The following MALRD1 variants were observed in gnomAD, a reference collection of about 807,000 sequenced individuals.
MALRD1 encodes MAM and LDL receptor class A domain containing 1.
A neutral mutation model predicts 242.1 loss-of-function variants in MALRD1; 247 were observed. The ratio of observed to expected loss-of-function variants is 1.02; its 90% CI spans 0.92 to 1.13. The LOEUF (loss-of-function observed/expected upper bound fraction) is 1.13, where lower values mean the gene tolerates loss of function less well. Among genes scored for constraint, MALRD1 ranks in the 50% most tolerant of loss-of-function variants. The probability of loss-of-function intolerance (pLI) is 0.00; values close to 1 mark genes in which losing one functional copy is unlikely to be tolerated. For missense variants in MALRD1, 2,989 were observed against 2,533.1 expected (o/e 1.18, Z -3.86); for synonymous variants, 995 against 866.6 (o/e 1.15, Z -2.60).
At position 19,318,410 on chromosome 10, in the gene MALRD1, T is replaced by C. The variant is rs1302915943; in HGVS notation, c.3420-5539T>C. ...AGGTGAAAGGGGTATTTCAGAGATA[T>C]ATAATATTAGAGAATTGTTTCCATA... is the stretch of plus-strand genomic sequence containing the variant. On this transcript the variant is annotated intron_variant, in intron 21 of 39. Coordinates refer to ENST00000454679, the MANE Select transcript of MALRD1 (RefSeq NM_001142308.3). Among the ~76,000 whole-genome samples, 4 of 152,044 alleles carry C rather than the reference T, an allele frequency of 2.6e-5. No individual in the cohort carries two copies. In the East Asian group the frequency reaches 5.8e-4, roughly 22 times the overall value.
intron 18 of MALRD1, among the ~76,000 whole-genome samples, chr10:19,234,972 G>A (rs921569525): frequency 6.6e-6 from 1 of 152,142 alleles, no homozygotes; most frequent in African/African-American, 2.4e-5. Flanking sequence ...AAATCTACAT[G>A]GATGGGAAGT....
intron 34 of MALRD1, among the ~76,000 whole-genome samples, chr10:19,601,775 A>C (rs1435708078): frequency 1.3e-5 from 2 of 152,116 alleles, no homozygotes; most frequent in African/African-American, 4.8e-5. Flanking sequence ...AATATGGATA[A>C]ATTCCTATCT....
intron 14 of MALRD1, among the ~76,000 whole-genome samples, chr10:19,198,542 T>C (rs1036963447): frequency 1.3e-5 from 2 of 152,184 alleles, no homozygotes; most frequent in Non-Finnish European, 2.9e-5. Flanking sequence ...CTATCTGTCT[T>C]TCATAGCTCT....
chr10:19,727,931 A>G (rs2131931050), intron 38 of MALRD1, among the ~76,000 whole-genome samples: 1 of 152,310 alleles, frequency 6.6e-6, no homozygotes, highest in African/African-American at 2.4e-5. Context: ...ATAGTTGATG[A>G]AAATGGAAAA....
intron 31 of MALRD1, among the ~76,000 whole-genome samples, chr10:19,530,123 G>A (rs1293045887): frequency 2.0e-5 from 3 of 150,966 alleles, no homozygotes; most frequent in Admixed American, 6.6e-5. Context: ...GTCAATATTG[G>A]CTCATTAATT....
chr10:19,587,857 T>A (rs1320403387), intron 33 of MALRD1, among the ~76,000 whole-genome samples: 1 of 150,960 alleles, frequency 6.6e-6, no homozygotes, highest in Non-Finnish European at 1.5e-5. Flanking sequence ...ATGTCTTGGT[T>A]ACTAGGAATG....
chr10:19,689,436 A>G (rs1842732143), intron 36 of MALRD1, among the ~76,000 whole-genome samples: 2 of 152,156 alleles, frequency 1.3e-5, no homozygotes, highest in South Asian at 4.1e-4. Context: ...TGACCATTTT[A>G]CAAGGAAAAT....
chr10:19,466,270 T>C (rs1836214001), intron 29 of MALRD1, among the ~76,000 whole-genome samples: 1 of 152,196 alleles, frequency 6.6e-6, no homozygotes, highest in Non-Finnish European at 1.5e-5. Context: ...TTGATTTTCA[T>C]TGTCTTCGCA....
intron 32 of MALRD1, among the ~76,000 whole-genome samples, chr10:19,555,832 A>G (rs1231898975): frequency 6.6e-6 from 1 of 152,172 alleles, no homozygotes; most frequent in Non-Finnish European, 1.5e-5. Context: ...AAAGTAGTTG[A>G]TGTTAGCAAG....
chr10:19,635,126 G>T (rs913586009), intron 36 of MALRD1, among the ~76,000 whole-genome samples: 5 of 152,108 alleles, frequency 3.3e-5, no homozygotes, highest in African/African-American at 1.2e-4. Flanking sequence ...AACAGCAAAA[G>T]ACTTAACTGG....
At chr10:19,254,969 G>C (rs1474017855) in intron 18 of MALRD1, among the ~76,000 whole-genome samples, 1 of 151,916 alleles carries the variant, frequency 6.6e-6, no homozygotes, top group African/African-American at 2.4e-5. Context: ...ATTTTGGTCA[G>C]TCATTCAGTT....
At chr10:19,370,444 A>T (rs77778989) in intron 26 of MALRD1, among the ~76,000 whole-genome samples, 7,975 of 152,106 alleles carry the variant, frequency 0.052, 409 homozygotes, top group African/African-American at 0.13. Context: ...CTATATTTTT[A>T]AAAAAATTGT....
chr10:19,486,418 T>G (rs1033564825), intron 29 of MALRD1, among the ~76,000 whole-genome samples: 1 of 152,188 alleles, frequency 6.6e-6, no homozygotes, highest in African/African-American at 2.4e-5. Flanking sequence ...TAGATATGTT[T>G]CCTGACTCAC....
At chr10:19,088,536 C>CTTTTTTTTTTTTTT (rs748953378) in intron 4 of MALRD1, among the ~76,000 whole-genome samples, 2 of 110,028 alleles carry the variant, frequency 1.8e-5, no homozygotes, top group Non-Finnish European at 3.7e-5. Context: ...CTCTTTCTTT[C>CTTTTTTTTTTTTTT]TTTTTTTTTT....
chr10:19,223,049 C>G (rs1001508739), intron 18 of MALRD1, among the ~76,000 whole-genome samples: 1 of 152,170 alleles, frequency 6.6e-6, no homozygotes, highest in East Asian at 1.9e-4. Context: ...GCTTATGGAA[C>G]ATATCAACTC....
At chr10:19,674,135 G>T (rs1305515364) in intron 36 of MALRD1, among the ~76,000 whole-genome samples, 2 of 152,114 alleles carry the variant, frequency 1.3e-5, no homozygotes, top group Non-Finnish European at 2.9e-5. Flanking sequence ...TTTGGATAGA[G>T]TATATCTGTC....
At chr10:19,118,882 T>C (rs1201843511) in intron 5 of MALRD1, among the ~76,000 whole-genome samples, 2 of 152,158 alleles carry the variant, frequency 1.3e-5, no homozygotes, top group Non-Finnish European at 2.9e-5. Context: ...TAGTAAGGCA[T>C]TGATGTTTAC....
chr10:19,179,506 A>G (rs140447350), intron 14 of MALRD1, among the ~76,000 whole-genome samples: 43 of 152,080 alleles, frequency 2.8e-4, no homozygotes, highest in African/African-American at 1.0e-3. Flanking sequence ...AAAAATTATC[A>G]GGGCATGGTG....
At chr10:19,654,282 A>C (rs762631741) in intron 36 of MALRD1, among the ~76,000 whole-genome samples, 22 of 148,456 alleles carry the variant, frequency 1.5e-4, no homozygotes, top group Non-Finnish European at 2.4e-4. Flanking sequence ...CAATTTTATC[A>C]AAAAAGTGGG....
Sources: allele counts gnomAD v4.1 joint callset (sites outside exome capture counted in the v4.1 genomes callset), GRCh38; gene constraint gnomAD v4.1.1; transcripts MANE v1.5; gene names NCBI Gene and HGNC (gene_info 2026-07-23, HGNC 2026-07-21).